Variants in RAPGEF3 observed in about 807,000 individuals in gnomAD.
RAPGEF3 encodes Rap guanine nucleotide exchange factor 3.
RAPGEF3 carries 103 observed loss-of-function variants against 129.8 expected under a neutral mutation model. The ratio of observed to expected loss-of-function variants is 0.79; its 90% CI spans 0.68 to 0.93. The LOEUF is 0.93. RAPGEF3 is among the 40% of genes least tolerant of loss of function. The pLI is 0.00. For synonymous variants in RAPGEF3, 436 were observed against 482.6 expected (o/e 0.90, Z 1.26); for missense variants, 1,117 against 1,207.4 (o/e 0.93, Z 1.11).
chr12:47,753,965 G>C (rs949643890), intron 2 of RAPGEF3: 8 of 152,218 alleles, frequency 5.3e-5, no homozygotes, highest in Non-Finnish European at 1.2e-4. Flanking sequence ...GGACTTTAAG[G>C]AATCCCTCTC....
In RAPGEF3 at chr12:47,746,915, A is replaced by G. The variant is rs774394735; in HGVS notation, c.1557-16T>C. On this transcript the variant is annotated splice_polypyrimidine_tract_variant and intron_variant, in intron 15 of 27. Coordinates refer to ENST00000449771, the MANE Select transcript of RAPGEF3 (RefSeq NM_001098531.4). Reference sequence around the variant, plus strand: ...ATTCTCCAACCTGCAGACAAGAGAGAAGGGAGGTGAGTGAGCCCAGGTATC... The same window carrying G: ...ATTCTCCAACCTGCAGACAAGAGAGGAGGGAGGTGAGTGAGCCCAGGTATC... 5.0e-6 allele frequency: 8 copies of G among 1,603,644 alleles called. No homozygotes were observed. In the East Asian group the frequency reaches 1.8e-4, roughly 36 times the overall value.
chr12:47,737,156 T>G lies in RAPGEF3; in HGVS notation c.*411A>C. 4.4e-6 allele frequency: 1 copy of G among 228,290 alleles called. No homozygotes were observed. Among genetic ancestry groups the G allele is most frequent in the South Asian group, 5.9e-5 (1 of 16,946 alleles). The allele number at this position is 228,290 out of a possible 1,614,324, so 14.1% of individuals were successfully genotyped here. A position where few individuals can be genotyped will look rare whatever the true frequency, so the allele number is the denominator to read the frequency against. On this transcript the variant is annotated 3_prime_UTR_variant, in exon 28 of 28. Transcript: ENST00000449771. ...AAGGCCCTGCCCTTGCCACACACGGTACACACATGCAGCCTCTCTCTCTCT... is the reference window on the plus strand; with the variant it reads ...AAGGCCCTGCCCTTGCCACACACGGGACACACATGCAGCCTCTCTCTCTCT...
chr12:47,738,321 G>A (rs1336555557), intron 25 of RAPGEF3, 74 bp from the exon 26 acceptor site: 7 of 1,567,958 alleles, frequency 4.5e-6, no homozygotes, highest in African/African-American at 2.7e-5. Context: ...CAGCAGGGAG[G>A]CCAAGCTCCC....
chr12:47,752,204 C>T (rs1160314454), intron 2 of RAPGEF3, among the ~76,000 whole-genome samples: 1 of 152,230 alleles, frequency 6.6e-6, no homozygotes, highest in Non-Finnish European at 1.5e-5. Flanking sequence ...TGCCTCCCTA[C>T]AGTTGAGAGC....
intron 1 of RAPGEF3, 123 bp downstream of exon 1, chr12:47,758,428 A>G: frequency 1.3e-6 from 2 of 1,558,932 alleles, no homozygotes; most frequent in Non-Finnish European, 1.7e-6. Flanking sequence ...CTTCGGCTTA[A>G]ACCCTTCTCC....
rs758066482 is a variant in RAPGEF3, at chr12:47,749,801, G to A, written c.834C>T (p.Asp278=). 32 of 1,614,066 alleles carry A rather than the reference G, an allele frequency of 2.0e-5. 1 individual carries two copies. In the South Asian group the frequency reaches 3.5e-4, roughly 18 times the overall value. Residue 278 remains aspartate (D), a synonymous_variant, in exon 9 of 28, where the codon GAC becomes GAT. Coordinates refer to ENST00000449771, the MANE Select transcript of RAPGEF3 (RefSeq NM_001098531.4). This position sits in a 1 kb window ranked among gnomAD's most constrained non-coding sequence, Gnocchi z 4.5. ...KAGTVLFSQG[D]KGTSWYIIWK... is the part of the protein sequence containing the mutation. ...AGATAATGTACCACGAAGTGCCCTT[G>A]TCCCCCTGGCTGAACACTGACAGAA... is the stretch of plus-strand genomic sequence containing the variant.
chr12:47,735,084 A>C lies in RAPGEF3; in HGVS notation c.*2483T>G, dbSNP rs534155725. On this transcript the variant is annotated 3_prime_UTR_variant, in exon 28 of 28. Transcript: ENST00000449771. ...GGAAAGGAGGGGGGATGTGTGTGTA[A>C]CAATGACCTCCCTCTGTCCTGTCCT... is the stretch of plus-strand genomic sequence containing the variant. The C allele has an allele frequency of 6.6e-6, 1 of 152,454 alleles. No individual in the cohort carries two copies. Among genetic ancestry groups the C allele is most frequent in the East Asian group, 1.9e-4 (1 of 5,178 alleles). The allele number at this position is 152,454 out of a possible 1,614,324, so 9.4% of individuals were successfully genotyped here.
chr12:47,748,599 G>T, intron 11 of RAPGEF3, 57 bp from the exon 12 acceptor site: 1 of 1,415,838 alleles, frequency 7.1e-7, no homozygotes, highest in Non-Finnish European at 9.9e-7. Context: ...TCCCACACCT[G>T]GGCAGACATC....
At position 47,739,087 on chromosome 12, in the gene RAPGEF3, G is replaced by A. The variant is rs1940976574; in HGVS notation, c.2461+56C>T. On this transcript the variant is annotated intron_variant, in intron 24 of 27. Transcript: ENST00000449771. ...GGGATGGAGGCAGGAAGGGGGAAAT[G>A]GGGGATGGAGGCAGGAAGGGGGGAA... The A allele has an allele frequency of 1.2e-5, 17 of 1,419,846 alleles. No individual in the cohort carries two copies. In the South Asian group the frequency reaches 2.0e-4, roughly 17 times the overall value. 88.0% of individuals were successfully genotyped at this position (1,419,846 alleles called of 1,614,324 possible).
At position 47,749,139 on chromosome 12, in the gene RAPGEF3, T is replaced by G; in HGVS notation, c.1042-208A>C. On this transcript the variant is annotated intron_variant, in intron 10 of 27. Coordinates refer to ENST00000449771, the MANE Select transcript of RAPGEF3 (RefSeq NM_001098531.4). This position sits in a 1 kb window ranked among gnomAD's most constrained non-coding sequence, Gnocchi z 4.5. ...CCCCACAGCCTAGTCCCCCGCCCCC[T>G]GCATGCCCATCCTTCCCCTGGTCTC... 2 of 491,750 alleles carry G rather than the reference T, an allele frequency of 4.1e-6. No individual in the cohort carries two copies. Among genetic ancestry groups the G allele is most frequent in the Non-Finnish European group, 7.2e-6 (2 of 278,674 alleles). 30.5% of individuals were successfully genotyped at this position (491,750 alleles called of 1,614,324 possible).
Position 47,737,662 on chromosome 12 carries a change from G to C in RAPGEF3, c.2677C>G (p.Arg893Gly), listed in dbSNP as rs559675833. Residue 893 changes from arginine (R) to glycine (G), a missense_variant, in exon 28 of 28, where the codon CGG (arginine) becomes GGG (glycine). By Grantham distance (125) the Arg-to-Gly change is moderately radical (BLOSUM62 -2). Coordinates refer to ENST00000449771, the MANE Select transcript of RAPGEF3 (RefSeq NM_001098531.4). ...TAAGCCCAGGTGCTGGCTGGACTCC[G>C]GGTGCTCAGGGACTGCTCCGAGCCT... ...STCSEQSLST[R>G]SPASTWAYVQ... is the part of the protein sequence containing the mutation. 1.9e-6 allele frequency: 3 copies of C among 1,613,202 alleles called. No homozygotes were observed. The East Asian group carries it at 6.7e-5, about 36-fold the overall frequency.
chr12:47,754,741 C>CA (rs982494338), intron 2 of RAPGEF3, among the ~76,000 whole-genome samples: 6 of 151,992 alleles, frequency 3.9e-5, no homozygotes, highest in Admixed American at 6.6e-5. Context: ...GGACACAGTG[C>CA]AAAAAAATAC....
intron 20 of RAPGEF3, 25 bp from the exon 21 acceptor site, chr12:47,740,848 C>A: frequency 1.2e-6 from 2 of 1,613,564 alleles, no homozygotes; most frequent in South Asian, 1.1e-5. Context: ...CAGGAGAGGT[C>A]AGCGAGTGCT....
chr12:47,739,715 C>T (rs1296196676), intron 23 of RAPGEF3: 5 of 365,108 alleles, frequency 1.4e-5, no homozygotes, highest in Non-Finnish European at 2.6e-5. Context: ...ATCCTCGCCT[C>T]TTCTACTGGT....
chr12:47,748,707 C>T, intron 11 of RAPGEF3, 112 bp downstream of exon 11: 1 of 1,035,194 alleles, frequency 9.7e-7, no homozygotes, highest in Non-Finnish European at 1.5e-6. Context: ...TCCCTCAATA[C>T]CTCTCCATCC....
At position 47,749,647 on chromosome 12, in the gene RAPGEF3, C is replaced by T. The variant is rs1354102737; in HGVS notation, c.894+94G>A. 1 of 1,583,960 alleles carries T rather than the reference C, an allele frequency of 6.3e-7. No individual in the cohort carries two copies. Among genetic ancestry groups the T allele is most frequent in the African/African-American group, 1.3e-5 (1 of 74,444 alleles). ...ACCCACACAGGAGACACGGGGTCAG[C>T]AGCAGTAGATCAACAAAGGCACTGC... is the stretch of plus-strand genomic sequence containing the variant. On this transcript the variant is annotated intron_variant, in intron 9 of 27. Transcript: ENST00000449771. The surrounding 1 kb of genome is among the most constrained non-coding windows in gnomAD (Gnocchi z 4.5).
Position 47,739,407 on chromosome 12 carries a change from C to G in RAPGEF3, c.2374-177G>C. ...CACAGGCGAACACGGGGCTTCCAAC[C>G]TCCCATTAGCACTGAGAAAATTCAC... On this transcript the variant is annotated intron_variant, in intron 23 of 27. Transcript: ENST00000449771. 4.2e-6 allele frequency: 3 copies of G among 708,350 alleles called. No individual in the cohort carries two copies. The South Asian group carries it at 4.5e-5, about 11-fold the overall frequency. The allele number at this position is 708,350 out of a possible 1,614,324, so 43.9% of individuals were successfully genotyped here.
At position 47,743,542 on chromosome 12, in the gene RAPGEF3, T is replaced by C. The variant is rs1408039589; in HGVS notation, c.1813A>G (p.Asn605Asp). Residue 605 changes from asparagine to aspartate, a missense_variant, in exon 18 of 28, where the codon AAT becomes GAT. By Grantham distance (23) the Asn-to-Asp change is conservative. This residue lies in a region of RAPGEF3 where 643 missense variants were observed against 673.4 expected (regional missense o/e 0.95). Transcript: ENST00000449771. ...GGGCACAACTCACCACCTGCAGAAT[T>C]GACCTTCACCAGCACCTGCCCCTTG... is the stretch of plus-strand genomic sequence containing the variant. ...WTKGQVLVKV[N>D]SAGDAIGLQP... is the part of the protein sequence containing the mutation. The C allele has an allele frequency of 6.2e-7, 1 of 1,613,582 alleles. No individual in the cohort carries two copies. Among genetic ancestry groups the C allele is most frequent in the Non-Finnish European group, 8.5e-7 (1 of 1,179,642 alleles).
intron 1 of RAPGEF3, 163 bp downstream of exon 1, chr12:47,758,388 A>T (rs988950530): frequency 6.6e-7 from 1 of 1,518,046 alleles, no homozygotes; most frequent in African/African-American, 1.4e-5. Context: ...GTATGAAGCT[A>T]TAGATTCACT....
Sources: gnomAD v4.1 joint callset for allele counts (sites outside exome capture counted in the v4.1 genomes callset) on GRCh38, gnomAD v4.1.1 for gene constraint, gnomAD v4.1.1 regional missense constraint, Gnocchi (gnomAD v3.1) non-coding constraint, MANE v1.5 for transcripts, NCBI Gene and HGNC (gene_info 2026-07-23, HGNC 2026-07-21) for gene names.